The following LRRC4C variants were observed in gnomAD, a reference collection of about 807,000 sequenced individuals.
The protein encoded by LRRC4C is leucine rich repeat containing 4C, also known as leucine-rich repeat-containing protein 4C.
A neutral mutation model predicts 33.6 loss-of-function variants in LRRC4C; 5 were observed. The observed-to-expected ratio is 0.15, with a 90% confidence interval of 0.08 to 0.31. LRRC4C has a LOEUF of 0.31. Ranked by LOEUF, LRRC4C falls within the 10% of genes least tolerant of loss-of-function variation. The pLI, the probability that LRRC4C is intolerant of heterozygous loss-of-function variation, is 1.00. For synonymous variants in LRRC4C, 329 were observed against 302.0 expected, an observed-to-expected ratio of 1.09 and a Z score of -0.93; for missense variants, 560 against 796.7, an observed-to-expected ratio of 0.70 and a Z score of 3.58.
At chr11:40,801,043 C>G (rs1951020540) in intron 2 of LRRC4C, among the ~76,000 whole-genome samples, 1 of 152,278 alleles carries the variant, frequency 6.6e-6, no homozygotes, top group Admixed American at 6.5e-5. Flanking sequence ...TAATTATATT[C>G]CGCACTCTAA....
intron 1 of LRRC4C, among the ~76,000 whole-genome samples, chr11:41,244,295 T>C (rs1948369055): frequency 6.6e-6 from 1 of 152,118 alleles, no homozygotes; most frequent in Non-Finnish European, 1.5e-5. Flanking sequence ...GCAGTAGATG[T>C]CCTGAACTAC....
At chr11:40,689,088 G>C (rs951742653) in intron 2 of LRRC4C, among the ~76,000 whole-genome samples, 1 of 151,700 alleles carries the variant, frequency 6.6e-6, no homozygotes, top group Non-Finnish European at 1.5e-5. Context: ...GATAAGAAAC[G>C]ACAGTGCTAT....
chr11:41,444,794 A>G (rs1186202877), intron 1 of LRRC4C, among the ~76,000 whole-genome samples: 3 of 140,044 alleles, frequency 2.1e-5, no homozygotes, highest in African/African-American at 5.6e-5. Context: ...TCAGGACAGG[A>G]AGTCTAACTT....
chr11:40,660,577 C>T (rs751746875), intron 2 of LRRC4C, among the ~76,000 whole-genome samples: 2 of 152,072 alleles, frequency 1.3e-5, no homozygotes, highest in Non-Finnish European at 2.9e-5. Flanking sequence ...AGACATTTGC[C>T]ACATGTTGTT....
chr11:40,538,212 C>G (rs116433783), intron 3 of LRRC4C, among the ~76,000 whole-genome samples: 2,518 of 152,196 alleles, frequency 0.017, 86 homozygotes, highest in African/African-American at 0.057. Flanking sequence ...AACTGCCGCT[C>G]TCATCACTCT....
intron 2 of LRRC4C, among the ~76,000 whole-genome samples, chr11:40,883,613 C>G (rs1171545392): frequency 6.6e-6 from 1 of 151,894 alleles, no homozygotes; most frequent in Non-Finnish European, 1.5e-5. Context: ...AGTATATCAA[C>G]ATATATATTG....
intron 2 of LRRC4C, among the ~76,000 whole-genome samples, chr11:40,792,277 T>A (rs572399265): frequency 6.6e-6 from 1 of 152,076 alleles, no homozygotes; most frequent in Non-Finnish European, 1.5e-5. Context: ...ACAAAATCAA[T>A]ATTTTCTTTA....
At chr11:41,125,527 G>A (rs1320078081) in intron 1 of LRRC4C, among the ~76,000 whole-genome samples, 2 of 151,528 alleles carry the variant, frequency 1.3e-5, no homozygotes, top group Non-Finnish European at 2.9e-5. Flanking sequence ...ACATATTTTT[G>A]CATTATTATA....
chr11:40,851,651 A>G (rs1953505176), intron 2 of LRRC4C, among the ~76,000 whole-genome samples: 1 of 152,174 alleles, frequency 6.6e-6, no homozygotes, highest in Admixed American at 6.5e-5. Flanking sequence ...GAAAAAAAAG[A>G]CAAACTGTTT....
intron 3 of LRRC4C, among the ~76,000 whole-genome samples, chr11:40,565,288 C>T (rs1957710837): frequency 6.6e-6 from 1 of 152,094 alleles, no homozygotes. Context: ...GGCAGTGTGC[C>T]CCTCAGGTCT....
intron 3 of LRRC4C, among the ~76,000 whole-genome samples, chr11:40,581,986 T>A (rs1958489259): frequency 6.6e-6 from 1 of 152,042 alleles, no homozygotes; most frequent in Non-Finnish European, 1.5e-5. Flanking sequence ...TTATATACAG[T>A]AAGAAAGCCA....
At chr11:40,875,047 C>A (rs769497950) in intron 2 of LRRC4C, among the ~76,000 whole-genome samples, 4 of 151,984 alleles carry the variant, frequency 2.6e-5, no homozygotes, top group Non-Finnish European at 5.9e-5. Context: ...TAAAGATATA[C>A]TTGTTAGTAT....
intron 2 of LRRC4C, among the ~76,000 whole-genome samples, chr11:40,794,373 CAAAAAAAAAAAAAAA>C (rs57476895): frequency 1.0e-4 from 8 of 77,212 alleles, no homozygotes; most frequent in Non-Finnish European, 2.4e-4. Flanking sequence ...TAAACGCCAG[CAAAAAAAAAAAAAAA>C]AAAAAAAAAA....
intron 3 of LRRC4C, among the ~76,000 whole-genome samples, chr11:40,561,369 T>C (rs1957538884): frequency 6.6e-6 from 1 of 150,796 alleles, no homozygotes; most frequent in Non-Finnish European, 1.5e-5. Flanking sequence ...GTCTATATGC[T>C]CACTAGCGGA....
chr11:41,162,779 A>G (rs1488282535), intron 1 of LRRC4C, among the ~76,000 whole-genome samples: 1 of 152,220 alleles, frequency 6.6e-6, no homozygotes, highest in Admixed American at 6.5e-5. Context: ...CCAGTGAATG[A>G]ATAGTGGTGA....
intron 1 of LRRC4C, among the ~76,000 whole-genome samples, chr11:41,445,386 T>A (rs1234516589): frequency 6.6e-6 from 1 of 152,130 alleles, no homozygotes; most frequent in African/African-American, 2.4e-5. Flanking sequence ...ACAAAGGACA[T>A]TCTGAGGCAA....
chr11:40,416,898 T>C (rs925801573), intron 3 of LRRC4C, among the ~76,000 whole-genome samples: 4 of 152,194 alleles, frequency 2.6e-5, no homozygotes, highest in South Asian at 2.1e-4. Flanking sequence ...CTCTCAGTAT[T>C]TGTTGAATGA....
chr11:40,591,079 C>A (rs373901008), intron 3 of LRRC4C, among the ~76,000 whole-genome samples: 1 of 152,136 alleles, frequency 6.6e-6, no homozygotes, highest in African/African-American at 2.4e-5. Flanking sequence ...CCCCCAGCCT[C>A]GCTGCCGCCT....
At chr11:40,965,642 T>A (rs373151924) in intron 1 of LRRC4C, among the ~76,000 whole-genome samples, 1 of 152,196 alleles carries the variant, frequency 6.6e-6, no homozygotes, top group East Asian at 1.9e-4. Context: ...TCCCCATTGC[T>A]TGTTTTTGTC....
Sources: gnomAD v4.1 joint callset for allele counts (sites outside exome capture counted in the v4.1 genomes callset) on GRCh38, gnomAD v4.1.1 for gene constraint, MANE v1.5 for transcripts, NCBI Gene and HGNC (gene_info 2026-07-23, HGNC 2026-07-21) for gene names.